WIPF1: variants seen among roughly 807,000 people sequenced by gnomAD.
The protein encoded by WIPF1 is WAS/WASL interacting protein family member 1.
WIPF1 carries 13 observed loss-of-function variants against 35.4 expected under a neutral mutation model. That is an observed-to-expected ratio of 0.37 (90% CI 0.24 to 0.58). WIPF1 has a LOEUF of 0.58. Among genes scored for constraint, WIPF1 ranks in the 20% least tolerant of loss-of-function variants. The probability of loss-of-function intolerance (pLI) is 0.74; values close to 1 mark genes in which losing one functional copy is unlikely to be tolerated. For missense variants in WIPF1, 591 were observed against 667.0 expected (o/e 0.89, Z 1.25); for synonymous variants, 267 against 266.3 (o/e 1.00, Z -0.02).
chr2:174,650,072 T>C (rs1687502391), intron 1 of WIPF1, among the ~76,000 whole-genome samples: 2 of 152,298 alleles, frequency 1.3e-5, no homozygotes, highest in South Asian at 2.1e-4. Flanking sequence ...ATTTGGGGTT[T>C]TGTCAACACT....
At chr2:174,638,068 A>AT (rs887043547) in intron 1 of WIPF1, among the ~76,000 whole-genome samples, 9 of 152,034 alleles carry the variant, frequency 5.9e-5, no homozygotes, top group African/African-American at 2.2e-4. Flanking sequence ...ATTTTCACTG[A>AT]TTTTTTTTCC....
In WIPF1 at chr2:174,624,139, G is replaced by C. The variant is rs115598990; in HGVS notation, c.-38-38528C>G. ...GTTTGGCACTAATAAATCAGAATTA[G>C]TGGAGCTCAACTAATAATGAACCTT... On this transcript the variant is annotated intron_variant, in intron 1 of 8. Coordinates refer to the WIPF1 transcript ENST00000272746. 8.0e-3 allele frequency among the ~76,000 whole-genome samples: 1,211 copies of C among 152,322 alleles called. 23 individuals carry two copies. Among genetic ancestry groups the C allele is most frequent in the African/African-American group, 0.028 (1,160 of 41,564 alleles).
At chr2:174,640,889 C>A (rs1687282482) in intron 1 of WIPF1, among the ~76,000 whole-genome samples, 1 of 152,118 alleles carries the variant, frequency 6.6e-6, no homozygotes, top group Non-Finnish European at 1.5e-5. Flanking sequence ...ACATTCTTCA[C>A]AGAAACAGAA....
At chr2:174,597,281 C>T (rs1196724604) in intron 1 of WIPF1, among the ~76,000 whole-genome samples, 1 of 152,196 alleles carries the variant, frequency 6.6e-6, no homozygotes, top group African/African-American at 2.4e-5. Context: ...CTGTATCATA[C>T]ACCAAAAGGA....
intron 1 of WIPF1, among the ~76,000 whole-genome samples, chr2:174,605,620 T>A (rs1424508701): frequency 6.6e-6 from 1 of 152,170 alleles, no homozygotes; most frequent in Admixed American, 6.5e-5. Context: ...TTACAAAGAA[T>A]CCCTAACTTT....
chr2:174,621,491 TC>T (rs944850808), intron 1 of WIPF1, among the ~76,000 whole-genome samples: 13 of 151,622 alleles, frequency 8.6e-5, no homozygotes, highest in African/African-American at 3.2e-4. Flanking sequence ...CCTACCAATC[TC>T]CCCCTCCCCT....
At chr2:174,661,257 G>A (rs965266275) in intron 1 of WIPF1, among the ~76,000 whole-genome samples, 7 of 152,174 alleles carry the variant, frequency 4.6e-5, no homozygotes, top group Admixed American at 2.0e-4. Context: ...TGGGATTGAC[G>A]CAAGGGTGAT....
intron 1 of WIPF1, among the ~76,000 whole-genome samples, chr2:174,616,375 G>A (rs765035757): frequency 5.3e-5 from 8 of 152,066 alleles, no homozygotes; most frequent in Non-Finnish European, 1.0e-4. Flanking sequence ...TCCTCTTCAC[G>A]AGACAGGGAG....
chr2:174,561,987 G>T lies in WIPF1; in HGVS notation c.*560C>A. ...CACTTGTTTAAAATATATTAGAAATGTAAAAATTGTATATGGGGCTCACAT... is the reference window on the plus strand; with the variant it reads ...CACTTGTTTAAAATATATTAGAAATTTAAAAATTGTATATGGGGCTCACAT... On this transcript the variant is annotated 3_prime_UTR_variant, in exon 8 of 8. Transcript: ENST00000679041. 7.2e-7 allele frequency: 1 copy of T among 1,380,362 alleles called. No homozygotes were observed. Among genetic ancestry groups the T allele is most frequent in the Non-Finnish European group, 9.9e-7 (1 of 1,010,702 alleles). The allele number at this position is 1,380,362 out of a possible 1,614,324, so 85.5% of individuals were successfully genotyped here.
chr2:174,662,389 CTCTT>C (rs1041705424), intron 1 of WIPF1, among the ~76,000 whole-genome samples: 9 of 152,198 alleles, frequency 5.9e-5, no homozygotes, highest in African/African-American at 1.9e-4. Flanking sequence ...GAATTCGTAA[CTCTT>C]TCCCTGGATT....
chr2:174,562,506 G>A lies in WIPF1; in HGVS notation c.*41C>T. The A allele has an allele frequency of 1.2e-6, 2 of 1,614,002 alleles. No individual in the cohort carries two copies. The highest frequency in any genetic ancestry group is 2.2e-5 in the East Asian group (1 of 44,890). ...GGTATGCAGTTCTTAGATAGCAACA[G>A]AAGCAGCTCTTGAGCTTGGGTAGAG... On this transcript the variant is annotated 3_prime_UTR_variant, in exon 8 of 8. Transcript: ENST00000679041.
chr2:174,652,213 C>T (rs1216411603), intron 1 of WIPF1, among the ~76,000 whole-genome samples: 1 of 152,206 alleles, frequency 6.6e-6, no homozygotes, highest in East Asian at 1.9e-4. Context: ...ACCACAGGCC[C>T]ACCTCTCATT....
At chr2:174,634,102 G>A (rs1441865954) in intron 1 of WIPF1, among the ~76,000 whole-genome samples, 2 of 152,164 alleles carry the variant, frequency 1.3e-5, no homozygotes, top group Non-Finnish European at 1.5e-5. Context: ...TCGCAAGCAC[G>A]TTTTTATGCA....
At chr2:174,599,136 A>G (rs531319715), upstream of WIPF1, among the ~76,000 whole-genome samples, 1 of 152,298 alleles carries the variant, frequency 6.6e-6, no homozygotes, top group Admixed American at 6.5e-5. Flanking sequence ...CTGTAAAGTG[A>G]TGGAACTGGG....
intron 1 of WIPF1, among the ~76,000 whole-genome samples, chr2:174,643,929 T>C (rs1445574197): frequency 6.6e-6 from 1 of 152,228 alleles, no homozygotes; most frequent in East Asian, 1.9e-4. Context: ...TCATCCTTTC[T>C]GTGTTATTTT....
rs184875576 is a variant in WIPF1 at position 174,632,214 on chromosome 2, T to A, written c.-38-46603A>T. ...CAGGATCTGTTACCTTCTGCCATTC[T>A]GTGTCTCCACTCGTTCTTTCAGAAC... On this transcript the variant is annotated intron_variant, in intron 1 of 8. Transcript: ENST00000272746. 2.6e-3 allele frequency among the ~76,000 whole-genome samples: 399 copies of A among 152,360 alleles called. 1 individual carries two copies. Among genetic ancestry groups the A allele is most frequent in the Non-Finnish European group, 4.7e-3 (321 of 68,038 alleles).
intron 1 of WIPF1, among the ~76,000 whole-genome samples, chr2:174,640,487 C>T (rs1574855732): frequency 6.7e-6 from 1 of 148,738 alleles, no homozygotes; most frequent in East Asian, 2.0e-4. Flanking sequence ...TACCCTAAAA[C>T]TTAAAGTACA....
Position 174,575,327 on chromosome 2 carries a change from C to G in WIPF1, c.235G>C (p.Gly79Arg), listed in dbSNP as rs531744802. 3.7e-6 allele frequency: 6 copies of G among 1,613,882 alleles called. No individual in the cohort carries two copies. The Middle Eastern group carries it at 9.9e-4, about 266-fold the overall frequency. The change falls in exon 4 of 8, where the codon GGA becomes CGA. Residue 79 changes from glycine (G) to arginine (R), a missense_variant. By Grantham distance (125) the Gly-to-Arg change is moderately radical. Coordinates refer to ENST00000679041, the MANE Select transcript of WIPF1 (RefSeq NM_001375834.1). Reference protein sequence around the residue: ...GGGGGFGGGGGFGGGGGGGGG... With the variant: ...GGGGGFGGGGRFGGGGGGGGG... The stretch of plus-strand genomic sequence containing the variant: ...CCGCCACCACCTCCTCCGCCAAATC[C>G]GCCGCCTCCACCAAAGCCACCACCA...
chr2:174,588,257 T>G (rs1012334060), intron 1 of WIPF1, among the ~76,000 whole-genome samples: 34 of 152,200 alleles, frequency 2.2e-4, no homozygotes, highest in African/African-American at 7.7e-4. Context: ...GTGGGAACAG[T>G]GCATCCACGT....
Sources: gnomAD v4.1 joint callset for allele counts (sites outside exome capture counted in the v4.1 genomes callset) on GRCh38, gnomAD v4.1.1 for gene constraint, MANE v1.5 for transcripts, NCBI Gene and HGNC (gene_info 2026-07-23, HGNC 2026-07-21) for gene names.